The following UGT1A4 variants were observed in gnomAD, a reference collection of about 807,000 sequenced individuals.
UGT1A4 encodes the protein UDP-glucuronosyltransferase 1A4.
In UGT1A4, 32 loss-of-function variants were observed where a neutral mutation model predicts 41.1. That is an observed-to-expected ratio of 0.78 (90% CI 0.59 to 1.05). UGT1A4 has a LOEUF of 1.05. Ranked by LOEUF, UGT1A4 falls within the 50% of genes least tolerant of loss-of-function variation. The pLI is 0.00. For missense variants in UGT1A4, 748 were observed against 677.4 expected (o/e 1.10, Z -1.16); for synonymous variants, 283 against 265.1 (o/e 1.07, Z -0.66).
chr2:233,725,063 TGCAATCG>T (rs2077358675), intron 1 of UGT1A4, among the ~76,000 whole-genome samples: 2 of 146,678 alleles, frequency 1.4e-5, no homozygotes, highest in African/African-American at 5.1e-5. Flanking sequence ...GGCGCGCGCC[TGCAATCG>T]CAGGCACTCG....
At chr2:233,728,118 A>T (rs567951320) in intron 1 of UGT1A4, among the ~76,000 whole-genome samples, 4 of 152,254 alleles carry the variant, frequency 2.6e-5, no homozygotes, top group African/African-American at 9.6e-5. Flanking sequence ...TCCATCTTGA[A>T]ATTTGGACTA....
At chr2:233,750,627 TC>T (rs1482081240) in intron 1 of UGT1A4, 1 of 151,448 alleles carries the variant, frequency 6.6e-6, no homozygotes, top group Non-Finnish European at 1.5e-5. Flanking sequence ...GGGTCCATGC[TC>T]CCCCTGCTGT....
intron 1 of UGT1A4, chr2:233,747,179 G>A: frequency 3.7e-6 from 6 of 1,601,464 alleles, no homozygotes; most frequent in Non-Finnish European, 3.4e-6. Context: ...GCACAGCGTG[G>A]GGTGGACAGT....
rs569556369 is a variant in UGT1A4, at chr2:233,768,497, C to G, written c.1307+58C>G. 8 of 1,559,772 alleles carry G rather than the reference C, an allele frequency of 5.1e-6. No individual in the cohort carries two copies. The South Asian group carries it at 9.4e-5, about 18-fold the overall frequency. On this transcript the variant is annotated intron_variant, in intron 4 of 4. Coordinates refer to ENST00000373409, the MANE Select transcript of UGT1A4 (RefSeq NM_007120.3). ...CATGGCATTCATGATAAAATTGTTT[C>G]AAATATGAAAACATTTACGTAGCAT... is the stretch of plus-strand genomic sequence containing the variant.
In UGT1A4 at chr2:233,768,589, T is replaced by TC. The variant is rs1441142658; in HGVS notation, c.1307+150_1307+151insC. The TC allele has an allele frequency of 2.3e-4, 239 of 1,048,606 alleles. No individual in the cohort carries two copies. In the East Asian group the frequency reaches 3.3e-3, roughly 15 times the overall value. 65.0% of individuals were successfully genotyped at this position (1,048,606 alleles called of 1,614,324 possible). A position where few individuals can be genotyped will look rare whatever the true frequency, so the allele number is the denominator to read the frequency against. ...TCTGGATTTTTATTTCTTCTTTTTT[T>TC]TTTTTTTTTTTTTTTGAGATGGAGT... On this transcript the variant is annotated intron_variant, in intron 4 of 4. Transcript: ENST00000373409.
intron 1 of UGT1A4, chr2:233,760,552 A>C: frequency 6.2e-7 from 1 of 1,614,264 alleles, no homozygotes; most frequent in Non-Finnish European, 8.5e-7. Context: ...GGAGGATGTG[A>C]AAGAGTCTTT....
At chr2:233,746,615 T>G (rs1693440411) in intron 1 of UGT1A4, among the ~76,000 whole-genome samples, 1 of 151,704 alleles carries the variant, frequency 6.6e-6, no homozygotes, top group Non-Finnish European at 1.5e-5. Flanking sequence ...ACCTGACCCC[T>G]CCTTTCAGGC....
chr2:233,742,567 C>G (rs1045281711), intron 1 of UGT1A4, among the ~76,000 whole-genome samples: 1 of 151,796 alleles, frequency 6.6e-6, no homozygotes, highest in Non-Finnish European at 1.5e-5. Flanking sequence ...AGCTTCTGGC[C>G]GGAATTGGGG....
In UGT1A4 at chr2:233,741,861, A is replaced by T. The variant is rs1406457842; in HGVS notation, c.867+22174A>T. On this transcript the variant is annotated intron_variant, in intron 1 of 4. Transcript: ENST00000373409. ...GCCTTTTGCTCTCATGCCTTATGCA[A>T]ACCTTTCCTCAGAGGTGACCCTAGA... The T allele has an allele frequency of 2.6e-5, 4 of 151,886 alleles. No individual in the cohort carries two copies. The East Asian group carries it at 7.7e-4, about 29-fold the overall frequency. The allele number at this position is 151,886 out of a possible 1,614,324, so 9.4% of individuals were successfully genotyped here.
intron 1 of UGT1A4, chr2:233,729,232 A>G: frequency 6.2e-7 from 1 of 1,614,202 alleles, no homozygotes. Flanking sequence ...GGTGGTGCCC[A>G]TTGATGGCAG....
intron 1 of UGT1A4, among the ~76,000 whole-genome samples, chr2:233,740,501 G>A (rs1478436482): frequency 6.6e-6 from 1 of 151,910 alleles, no homozygotes; most frequent in Non-Finnish European, 1.5e-5. Context: ...GCTTTCCAGT[G>A]TGTGATGTAA....
chr2:233,745,152 G>T (rs1403503351), intron 1 of UGT1A4, among the ~76,000 whole-genome samples: 1 of 151,720 alleles, frequency 6.6e-6, no homozygotes, highest in Non-Finnish European at 1.5e-5. Flanking sequence ...GTATATGGAG[G>T]GTCAAATGTG....
intron 1 of UGT1A4, among the ~76,000 whole-genome samples, chr2:233,728,459 T>G (rs570780705): frequency 6.6e-6 from 1 of 152,268 alleles, no homozygotes; most frequent in South Asian, 2.1e-4. Context: ...CTCAACAAAG[T>G]CTTCCCAAGA....
At chr2:233,743,750 A>G in intron 1 of UGT1A4, 1 of 1,367,324 alleles carries the variant, frequency 7.3e-7, no homozygotes, top group Non-Finnish European at 9.8e-7. Flanking sequence ...GGCGTCCGAC[A>G]ACACCTCGTA....
intron 1 of UGT1A4, among the ~76,000 whole-genome samples, chr2:233,720,704 C>CTT (rs796417980): frequency 5.7e-5 from 8 of 139,174 alleles, no homozygotes; most frequent in Non-Finnish European, 9.4e-5. Context: ...GGGAGCCATC[C>CTT]TTTTTTTTTT....
In UGT1A4 at chr2:233,743,171, T is replaced by G. The variant is rs182109098; in HGVS notation, c.867+23484T>G. The G allele has an allele frequency of 7.8e-4, 286 of 364,898 alleles. 2 individuals are homozygous for G. Among genetic ancestry groups the G allele is most frequent in the East Asian group, 3.6e-3 (49 of 13,664 alleles). 22.6% of individuals were successfully genotyped at this position (364,898 alleles called of 1,614,324 possible). A position where few individuals can be genotyped will look rare whatever the true frequency, so the allele number is the denominator to read the frequency against. ...GCTATTCCTCCAGATGTGCTTAAAG[T>G]CAAATGTGGACTGGAATTACTTGGT... On this transcript the variant is annotated intron_variant, in intron 1 of 4. Coordinates refer to ENST00000373409, the MANE Select transcript of UGT1A4 (RefSeq NM_007120.3).
intron 1 of UGT1A4, chr2:233,753,774 T>C (rs1695305556): frequency 6.6e-6 from 1 of 152,238 alleles, no homozygotes; most frequent in Admixed American, 6.5e-5. Flanking sequence ...TTGGAAACGC[T>C]TTTCTTTACA....
At chr2:233,755,119 C>A (rs2125932041) in intron 1 of UGT1A4, 1 of 1,329,394 alleles carries the variant, frequency 7.5e-7, no homozygotes. Context: ...TCGTAGGCCT[C>A]AGCCACCTGC....
chr2:233,760,467 A>G (rs1444464587), intron 1 of UGT1A4: 1 of 1,614,232 alleles, frequency 6.2e-7, no homozygotes, highest in South Asian at 1.1e-5. Context: ...TAGTTGTCCT[A>G]GCACCTGACG....
Sources: allele counts gnomAD v4.1 joint callset (sites outside exome capture counted in the v4.1 genomes callset), GRCh38; gene constraint gnomAD v4.1.1; transcripts MANE v1.5; gene names NCBI Gene and HGNC (gene_info 2026-07-23, HGNC 2026-07-21).